ZER1: variants seen among roughly 807,000 people sequenced by gnomAD.
ZER1 encodes zyg-11 related cell cycle regulator, also known as protein zer-1 homolog.
A neutral mutation model predicts 78.8 loss-of-function variants in ZER1; 11 were observed. The ratio of observed to expected loss-of-function variants is 0.14; its 90% CI spans 0.09 to 0.23. The LOEUF is 0.23. ZER1 is among the 10% of genes least tolerant of loss of function. The probability of loss-of-function intolerance (pLI) is 1.00; values close to 1 mark genes in which losing one functional copy is unlikely to be tolerated. For synonymous variants in ZER1, 400 were observed against 407.0 expected, an observed-to-expected ratio of 0.98 and a Z score of 0.21; for missense variants, 588 against 996.9, an observed-to-expected ratio of 0.59 and a Z score of 5.52.
Position 128,755,164 on chromosome 9 carries a change from T to C in ZER1, c.158+244A>G, listed in dbSNP as rs1863814574. 6.6e-6 allele frequency among the ~76,000 whole-genome samples: 1 copy of C among 152,054 alleles called. No homozygotes were observed. The highest frequency in any genetic ancestry group is 2.4e-5 in the African/African-American group (1 of 41,396). On this transcript the variant is annotated intron_variant, in intron 2 of 15. Transcript: ENST00000291900. This position sits in a 1 kb window ranked among gnomAD's most constrained non-coding sequence, Gnocchi z 5.6. ...CCTGTGCTGCATAAGCTTACATGTG[T>C]ACACACACCCATGCCTTCACGTGCA...
chr9:128,734,343 C>T (rs1299168416), intron 14 of ZER1, among the ~76,000 whole-genome samples: 1 of 148,296 alleles, frequency 6.7e-6, no homozygotes, highest in African/African-American at 2.5e-5. Context: ...ACTACAGGCA[C>T]GTGCCATCAA....
chr9:128,762,613 TGTA>T (rs1864084771), intron 1 of ZER1, among the ~76,000 whole-genome samples: 1 of 152,236 alleles, frequency 6.6e-6, no homozygotes, highest in African/African-American at 2.4e-5. Context: ...GTGTCTGGCA[TGTA>T]GTCATTGCTC....
intron 7 of ZER1, 79 bp from the exon 8 acceptor site, chr9:128,750,868 C>T: frequency 1.9e-6 from 3 of 1,575,924 alleles, no homozygotes; most frequent in Non-Finnish European, 2.6e-6. Context: ...AACAGGCTCT[C>T]TGGGGCAAGG....
chr9:128,736,445 G>A (rs1863084288), intron 13 of ZER1, among the ~76,000 whole-genome samples: 1 of 150,110 alleles, frequency 6.7e-6, no homozygotes, highest in African/African-American at 2.5e-5. Flanking sequence ...CCAGGCTGGA[G>A]TTCAGTGGTG....
At chr9:128,763,197 A>G (rs1864101694) in intron 1 of ZER1, among the ~76,000 whole-genome samples, 1 of 152,204 alleles carries the variant, frequency 6.6e-6, no homozygotes. Flanking sequence ...TCCTCCAGGA[A>G]GTATCTCCTG....
intron 8 of ZER1, among the ~76,000 whole-genome samples, chr9:128,746,927 C>T (rs764697867): frequency 1.3e-5 from 2 of 152,156 alleles, no homozygotes; most frequent in African/African-American, 4.8e-5. Flanking sequence ...TGAGCCACTG[C>T]GCCGGCCTAA....
At chr9:128,765,316 T>C (rs1220194957) in intron 1 of ZER1, among the ~76,000 whole-genome samples, 1 of 152,148 alleles carries the variant, frequency 6.6e-6, no homozygotes, top group African/African-American at 2.4e-5. Flanking sequence ...ATGCCTGGTG[T>C]TTAATAGAAC....
At chr9:128,738,449 G>A (rs568936323) in intron 13 of ZER1, among the ~76,000 whole-genome samples, 26 of 148,584 alleles carry the variant, frequency 1.7e-4, no homozygotes, top group African/African-American at 6.0e-4. Flanking sequence ...GCAGTGGCGC[G>A]ATCTCGGCTA....
At chr9:128,771,358 G>A (rs769723820) in intron 1 of ZER1, among the ~76,000 whole-genome samples, 2 of 152,198 alleles carry the variant, frequency 1.3e-5, no homozygotes, top group Non-Finnish European at 2.9e-5. Flanking sequence ...CCCCCATCTT[G>A]TAGGGGCAAA....
intron 13 of ZER1, among the ~76,000 whole-genome samples, chr9:128,736,591 C>T (rs1863090493): frequency 6.7e-6 from 1 of 148,164 alleles, no homozygotes; most frequent in Non-Finnish European, 1.5e-5. Context: ...TTGCTGTTGG[C>T]CAGGCTGGTC....
In ZER1 at chr9:128,755,375, C is replaced by G; in HGVS notation, c.158+33G>C. ...CTCTCTATACACATTCATGGTAAGA[C>G]CCCTGCCCCTCCTCAGCCCTGGGTC... On this transcript the variant is annotated intron_variant, in intron 2 of 15. Transcript: ENST00000291900. This position sits in a 1 kb window ranked among gnomAD's most constrained non-coding sequence, Gnocchi z 5.6. 1 of 1,612,444 alleles carries G rather than the reference C, an allele frequency of 6.2e-7. No homozygotes were observed. Among genetic ancestry groups the G allele is most frequent in the Non-Finnish European group, 8.5e-7 (1 of 1,178,664 alleles).
intron 1 of ZER1, among the ~76,000 whole-genome samples, chr9:128,756,818 C>T (rs57318304): frequency 0.012 from 1,881 of 152,178 alleles, 47 homozygotes; most frequent in African/African-American, 0.044. Context: ...TGGGTGCACT[C>T]TATGAATATA....
chr9:128,740,662 T>C lies in ZER1; in HGVS notation c.1853+110A>G, dbSNP rs1863261849. On this transcript the variant is annotated intron_variant, in intron 12 of 15. Transcript: ENST00000291900. This position sits in a 1 kb window ranked among gnomAD's most constrained non-coding sequence, Gnocchi z 4.4. ...AAGAAACCACATTATCGAGGGAAAA[T>C]GACATTTATAGCAAACCTAGGCTAA... 5 of 626,720 alleles carry C rather than the reference T, an allele frequency of 8.0e-6. No individual in the cohort carries two copies. Among genetic ancestry groups the C allele is most frequent in the South Asian group, 2.0e-5 (1 of 51,086 alleles). 38.8% of individuals were successfully genotyped at this position (626,720 alleles called of 1,614,324 possible).
chr9:128,745,428 C>T (rs1011895155), intron 8 of ZER1, among the ~76,000 whole-genome samples: 6 of 151,830 alleles, frequency 4.0e-5, no homozygotes, highest in Non-Finnish European at 8.8e-5. Flanking sequence ...GTGGCATGAT[C>T]CTGGCTCGCT....
intron 1 of ZER1, among the ~76,000 whole-genome samples, chr9:128,761,999 A>C (rs1272495099): frequency 6.6e-6 from 1 of 152,178 alleles, no homozygotes; most frequent in East Asian, 1.9e-4. Flanking sequence ...CACATCTCTT[A>C]GAGCAAGCTT....
At chr9:128,744,601 C>A (rs993806829) in intron 8 of ZER1, among the ~76,000 whole-genome samples, 11 of 152,052 alleles carry the variant, frequency 7.2e-5, no homozygotes, top group Non-Finnish European at 1.5e-4. Flanking sequence ...GCCTCAGCCT[C>A]CCAAGTAGCT....
Position 128,751,528 on chromosome 9 carries a change from C to T in ZER1, c.924-1G>A. ...GATGCTGCTCTTGGAAGGCTCAATGCTGGGGAAAGAGGGTGCCGGTGTCAG... is the reference window on the plus strand; with the variant it reads ...GATGCTGCTCTTGGAAGGCTCAATGTTGGGGAAAGAGGGTGCCGGTGTCAG... On this transcript the variant is annotated splice_acceptor_variant, in intron 5 of 15. Coordinates refer to ENST00000291900, the MANE Select transcript of ZER1 (RefSeq NM_006336.4). LOFTEE classifies it high-confidence loss of function. The surrounding 1 kb of genome is among the most constrained non-coding windows in gnomAD (Gnocchi z 5.4). The T allele has an allele frequency of 6.2e-7, 1 of 1,612,444 alleles. No individual in the cohort carries two copies.
At chr9:128,752,907 G>A in intron 4 of ZER1, 58 bp from the exon 5 acceptor site, 1 of 1,557,718 alleles carries the variant, frequency 6.4e-7, no homozygotes, top group Non-Finnish European at 8.7e-7. Flanking sequence ...GGGCTGCCTT[G>A]CAGATCCCAG....
intron 1 of ZER1, among the ~76,000 whole-genome samples, chr9:128,759,651 C>T (rs1211107775): frequency 7.2e-5 from 11 of 151,766 alleles, no homozygotes; most frequent in Admixed American, 7.2e-4. Flanking sequence ...AAAAATTAGC[C>T]GGGCGTGGTG....
Sources: gnomAD v4.1 joint callset for allele counts (sites outside exome capture counted in the v4.1 genomes callset) on GRCh38, gnomAD v4.1.1 for gene constraint, Gnocchi (gnomAD v3.1) non-coding constraint, MANE v1.5 for transcripts, NCBI Gene and HGNC (gene_info 2026-07-23, HGNC 2026-07-21) for gene names.